CPHXL: variants seen among roughly 807,000 people sequenced by gnomAD.
The protein encoded by CPHXL is cytoplasmic polyadenylated homeobox-like protein.
At chr16:75,717,598 T>G (rs1031077627) in intron 2 of CPHXL, among the ~76,000 whole-genome samples, 45 of 152,192 alleles carry the variant, frequency 3.0e-4, no homozygotes, top group African/African-American at 1.1e-3. Context: ...TTAAAATTTT[T>G]GTATTGTTAT....
intron 1 of CPHXL, among the ~76,000 whole-genome samples, chr16:75,721,775 T>C (rs1597222158): frequency 6.6e-6 from 1 of 152,126 alleles, no homozygotes; most frequent in Admixed American, 6.5e-5. Flanking sequence ...TACAGAACTC[T>C]CCACCCCAAA....
At chr16:75,715,761 A>G (rs1453485738) in intron 2 of CPHXL, among the ~76,000 whole-genome samples, 1 of 150,500 alleles carries the variant, frequency 6.6e-6, no homozygotes, top group Non-Finnish European at 1.5e-5. Flanking sequence ...CAATGGTGTG[A>G]TCTCAGCTCA....
chr16:75,718,850 T>A (rs1232204464), intron 1 of CPHXL, among the ~76,000 whole-genome samples: 1 of 152,224 alleles, frequency 6.6e-6, no homozygotes. Flanking sequence ...AAATTAGAAC[T>A]AATTGCAGAA....
rs542417968 is a variant in CPHXL at position 75,714,531 on chromosome 16, C to T, written c.911G>A (p.Gly304Glu). The T allele has an allele frequency of 1.1e-4, 42 of 398,632 alleles. No individual in the cohort carries two copies. Among genetic ancestry groups the T allele is most frequent in the African/African-American group, 7.0e-4 (34 of 48,726 alleles). The allele number at this position is 398,632 out of a possible 1,614,324, so 24.7% of individuals were successfully genotyped here. A position where few individuals can be genotyped will look rare whatever the true frequency, so the allele number is the denominator to read the frequency against. The change falls in exon 3 of 3, where the codon GGA (glycine) becomes GAA (glutamate). Residue 304 changes from glycine to glutamate, a missense_variant. Physicochemically the swap from Gly to Glu is moderately conservative, Grantham distance 98. Coordinates refer to ENST00000640559, the MANE Select transcript of CPHXL (RefSeq NM_001355613.1). ...CLCSFCLSLL[G>E]QQQQNDWQYH... ...CTGCCAATCATTCTGCTGCTGTTGT[C>T]CCAGCAGTGAGAGACAGAATGAGCA...
At chr16:75,723,013 C>T (rs1398205456) in intron 1 of CPHXL, among the ~76,000 whole-genome samples, 1 of 152,166 alleles carries the variant, frequency 6.6e-6, no homozygotes, top group East Asian at 1.9e-4. Flanking sequence ...ATGATTATCT[C>T]AATAGACGCA....
At chr16:75,719,733 T>C (rs1439792019) in intron 1 of CPHXL, among the ~76,000 whole-genome samples, 1 of 152,184 alleles carries the variant, frequency 6.6e-6, no homozygotes, top group Non-Finnish European at 1.5e-5. Flanking sequence ...AATGTCCCTG[T>C]CTGACAGCTT....
At chr16:75,718,998 A>T (rs931422025) in intron 1 of CPHXL, among the ~76,000 whole-genome samples, 1 of 152,224 alleles carries the variant, frequency 6.6e-6, no homozygotes, top group Non-Finnish European at 1.5e-5. Flanking sequence ...GGGTGCCACT[A>T]AGTTTTCTTT....
chr16:75,719,037 T>C (rs1466950488), intron 1 of CPHXL, among the ~76,000 whole-genome samples: 1 of 151,910 alleles, frequency 6.6e-6, no homozygotes, highest in Non-Finnish European at 1.5e-5. Context: ...ACGAGTGTAG[T>C]TGATTTGTGA....
chr16:75,725,278 T>TA (rs756510984), intron 1 of CPHXL, among the ~76,000 whole-genome samples: 17 of 151,770 alleles, frequency 1.1e-4, no homozygotes, highest in African/African-American at 3.1e-4. Context: ...AGTATAATAA[T>TA]AAAAAAAACT....
intron 1 of CPHXL, among the ~76,000 whole-genome samples, chr16:75,721,243 C>T (rs1959473076): frequency 6.6e-6 from 1 of 152,142 alleles, no homozygotes; most frequent in Non-Finnish European, 1.5e-5. Flanking sequence ...ATCAAATTCA[C>T]ACATAACAAT....
At chr16:75,718,557 C>G in intron 1 of CPHXL, 99 bp from the exon 2 acceptor site, 1 of 396,336 alleles carries the variant, frequency 2.5e-6, no homozygotes, top group Non-Finnish European at 4.4e-6. Context: ...AGATTCCCTC[C>G]CCTTCCCAAG....
chr16:75,722,871 A>G (rs1049823109), intron 1 of CPHXL, among the ~76,000 whole-genome samples: 2 of 152,208 alleles, frequency 1.3e-5, no homozygotes, highest in Admixed American at 6.5e-5. Flanking sequence ...AGCAAACTGA[A>G]TCCAGCAGCA....
rs1959363609 is a variant in CPHXL, at chr16:75,714,662, T to C, written c.780A>G (p.Pro260=). The change falls in exon 3 of 3, where the codon CCA becomes CCG. Residue 260 remains proline, a synonymous_variant. Transcript: ENST00000640559. ...TTTCAGTCCTTTCTCCATGAAAATA[T>C]GGCACAGAAGATGGGGGAGGATGAA... The part of the protein sequence containing the change: ...ECLHPPPSSV[P]YFHGERTETK... 3 of 398,546 alleles carry C rather than the reference T, an allele frequency of 7.5e-6. No homozygotes were observed. The highest frequency in any genetic ancestry group is 1.3e-5 in the Non-Finnish European group (3 of 226,090). 24.7% of individuals were successfully genotyped at this position (398,546 alleles called of 1,614,324 possible).
chr16:75,725,679 C>G (rs890933556), intron 1 of CPHXL, among the ~76,000 whole-genome samples: 10 of 149,012 alleles, frequency 6.7e-5, no homozygotes, highest in African/African-American at 2.5e-4. Flanking sequence ...GTCTCAATAT[C>G]CTGACCTCGT....
rs543018380 is a variant in CPHXL, at chr16:75,720,549, G to C, written c.26-2091C>G. 9.9e-5 allele frequency among the ~76,000 whole-genome samples: 15 copies of C among 152,234 alleles called. No homozygotes were observed. The East Asian group carries it at 2.9e-3, about 29-fold the overall frequency. ...GCAATGAAGCAAGAAGAGAAGTTTA[G>C]AGAAAAAAGAATAAAAAGAAACAAA... On this transcript the variant is annotated intron_variant, in intron 1 of 2. Coordinates refer to ENST00000640559, the MANE Select transcript of CPHXL (RefSeq NM_001355613.1).
chr16:75,720,276 A>C (rs867714729), intron 1 of CPHXL, among the ~76,000 whole-genome samples: 7 of 152,316 alleles, frequency 4.6e-5, no homozygotes, highest in African/African-American at 1.4e-4. Context: ...GAGTTGAGAG[A>C]AGAAGGCTTC....
intron 1 of CPHXL, among the ~76,000 whole-genome samples, chr16:75,721,438 G>T (rs1959475657): frequency 1.3e-5 from 2 of 152,124 alleles, no homozygotes; most frequent in Admixed American, 1.3e-4. Context: ...ACAAAAAAAG[G>T]CAGGGGTTGC....
intron 1 of CPHXL, among the ~76,000 whole-genome samples, 155 bp downstream of exon 1, chr16:75,726,263 A>G (rs543747836): frequency 6.6e-6 from 1 of 152,306 alleles, no homozygotes; most frequent in South Asian, 2.1e-4. Flanking sequence ...GTCCAACTTC[A>G]AAGTACCCAT....
chr16:75,718,937 C>T (rs1480155665), intron 1 of CPHXL, among the ~76,000 whole-genome samples: 1 of 152,166 alleles, frequency 6.6e-6, no homozygotes, highest in African/African-American at 2.4e-5. Flanking sequence ...AGGACATGGG[C>T]TACTGAGGGA....
Sources: gnomAD v4.1 joint callset for allele counts (sites outside exome capture counted in the v4.1 genomes callset) on GRCh38, gnomAD v4.1.1 for gene constraint, MANE v1.5 for transcripts, NCBI Gene and HGNC (gene_info 2026-07-23, HGNC 2026-07-21) for gene names.